The following NUBPL variants were observed in gnomAD, a reference collection of about 807,000 sequenced individuals.
NUBPL encodes iron-sulfur cluster transfer protein NUBPL.
NUBPL carries 31 observed loss-of-function variants against 45.7 expected under a neutral mutation model. That is an observed-to-expected ratio of 0.68 (90% confidence interval 0.51 to 0.92). The LOEUF is 0.92. NUBPL is among the 40% of genes least tolerant of loss of function. The probability of loss-of-function intolerance (pLI) is 0.00; values close to 1 mark genes in which losing one functional copy is unlikely to be tolerated. For synonymous variants in NUBPL, 144 were observed against 140.9 expected (o/e 1.02, Z -0.15); for missense variants, 401 against 398.7 (o/e 1.01, Z -0.05).
rs563400202 is a variant in NUBPL, at chr14:31,632,346, C to T, written c.382+32967C>T. On this transcript the variant is annotated intron_variant, in intron 4 of 10. Transcript: ENST00000281081. Reference sequence around the variant, plus strand: ...ACACTTGGTGGAGGACCTAGCCAGCCTGGGGCTACCCTACAGAGAGGAAGC... The same window carrying T: ...ACACTTGGTGGAGGACCTAGCCAGCTTGGGGCTACCCTACAGAGAGGAAGC... Among the ~76,000 whole-genome samples the T allele has an allele frequency of 7.9e-5, 12 of 152,292 alleles. No individual in the cohort carries two copies. In the East Asian group the frequency reaches 2.1e-3, roughly 27 times the overall value.
At chr14:31,646,742 A>G (rs1227647799) in intron 4 of NUBPL, among the ~76,000 whole-genome samples, 1 of 151,804 alleles carries the variant, frequency 6.6e-6, no homozygotes, top group Non-Finnish European at 1.5e-5. Flanking sequence ...GAACATGGAT[A>G]TTTATATCTT....
At chr14:31,699,744 G>A (rs1017176121) in intron 6 of NUBPL, among the ~76,000 whole-genome samples, 8 of 152,174 alleles carry the variant, frequency 5.3e-5, no homozygotes, top group Non-Finnish European at 1.5e-5. Flanking sequence ...CTGAGTGAAT[G>A]TATCTGTAAA....
At chr14:31,755,542 GTTGT>G (rs1279646683) in intron 6 of NUBPL, among the ~76,000 whole-genome samples, 1 of 150,284 alleles carries the variant, frequency 6.7e-6, no homozygotes, top group Non-Finnish European at 1.5e-5. Flanking sequence ...TTTTGATGGA[GTTGT>G]TTGTTTTTTT....
intron 7 of NUBPL, among the ~76,000 whole-genome samples, chr14:31,793,851 T>TCCCAATGC (rs2039432498): frequency 1.5e-5 from 2 of 137,858 alleles, no homozygotes; most frequent in African/African-American, 3.2e-5. Context: ...ATTTTTTTTT[T>TCCCAATGC]TATTTTTTCC....
intron 6 of NUBPL, among the ~76,000 whole-genome samples, chr14:31,729,218 G>A (rs1336652374): frequency 1.3e-5 from 2 of 149,972 alleles, no homozygotes; most frequent in Non-Finnish European, 2.9e-5. Flanking sequence ...GGCAGAGGTT[G>A]CAATGAGCCA....
intron 4 of NUBPL, among the ~76,000 whole-genome samples, chr14:31,631,110 C>A (rs1319864840): frequency 6.6e-6 from 1 of 152,186 alleles, no homozygotes; most frequent in Non-Finnish European, 1.5e-5. Context: ...TAAACTGGGG[C>A]AGTCATAGAG....
chr14:31,795,201 A>T (rs2039460204), intron 7 of NUBPL, among the ~76,000 whole-genome samples: 1 of 151,204 alleles, frequency 6.6e-6, no homozygotes, highest in African/African-American at 2.5e-5. Flanking sequence ...CTTAGGATTG[A>T]CTTGGCAATG....
intron 3 of NUBPL, among the ~76,000 whole-genome samples, chr14:31,597,312 A>C (rs1469865754): frequency 1.3e-5 from 2 of 152,192 alleles, no homozygotes; most frequent in East Asian, 3.8e-4. Flanking sequence ...TAATTTTTAC[A>C]TAACGTTTAT....
chr14:31,674,932 C>T lies in NUBPL; in HGVS notation c.513+1358C>T, dbSNP rs1225143707. ...TGGGCGGATCACGAGGTCAGGAGATCGAGACCATCCTGGCTAACACGGTGA... is the reference window on the plus strand; with the variant it reads ...TGGGCGGATCACGAGGTCAGGAGATTGAGACCATCCTGGCTAACACGGTGA... On this transcript the variant is annotated intron_variant, in intron 6 of 10. Transcript: ENST00000281081. Among the ~76,000 whole-genome samples, 3 of 151,982 alleles carry T rather than the reference C, an allele frequency of 2.0e-5. No homozygotes were observed. In the South Asian group the frequency reaches 6.2e-4, roughly 31 times the overall value.
chr14:31,739,243 T>TATA (rs2038230199), intron 6 of NUBPL, among the ~76,000 whole-genome samples: 1 of 99,632 alleles, frequency 1.0e-5, no homozygotes, highest in Non-Finnish European at 1.8e-5. Context: ...TTATATTCTA[T>TATA]ATATATATAT....
chr14:31,756,799 C>A (rs2038675811), intron 6 of NUBPL, among the ~76,000 whole-genome samples: 1 of 152,014 alleles, frequency 6.6e-6, no homozygotes. Flanking sequence ...GGGAAAGCTT[C>A]CAGTTTTTGC....
Position 31,823,565 on chromosome 14 carries a change from G to T in NUBPL, c.608-3064G>T, listed in dbSNP as rs932239045. ...TTGAGGGCTAATACCCCTTAAATAA[G>T]ATTACTAGGGCAGTCAAGTTGAGCA... On this transcript the variant is annotated intron_variant, in intron 7 of 10. Coordinates refer to ENST00000281081, the MANE Select transcript of NUBPL (RefSeq NM_025152.3). Among the ~76,000 whole-genome samples, 11 of 152,166 alleles carry T rather than the reference G, an allele frequency of 7.2e-5. No homozygotes were observed. In the South Asian group the frequency reaches 2.3e-3, roughly 32 times the overall value.
intron 4 of NUBPL, among the ~76,000 whole-genome samples, chr14:31,632,124 A>G (rs995700262): frequency 6.6e-6 from 1 of 152,174 alleles, no homozygotes. Flanking sequence ...ACCAAAACAC[A>G]TAGCATATTC....
chr14:31,813,392 G>A (rs773151452), intron 7 of NUBPL, among the ~76,000 whole-genome samples: 3 of 151,490 alleles, frequency 2.0e-5, no homozygotes, highest in Non-Finnish European at 4.4e-5. Flanking sequence ...CTAAACAGCA[G>A]ATATGTATCC....
intron 7 of NUBPL, among the ~76,000 whole-genome samples, chr14:31,818,635 G>A (rs1012638036): frequency 5.9e-5 from 9 of 152,080 alleles, no homozygotes; most frequent in Non-Finnish European, 1.0e-4. Flanking sequence ...TGCAAGCTCC[G>A]CCTGCTGGGT....
chr14:31,652,800 G>T (rs536707093), intron 4 of NUBPL, among the ~76,000 whole-genome samples: 1 of 152,166 alleles, frequency 6.6e-6, no homozygotes, highest in East Asian at 1.9e-4. Context: ...ACTAGTTTTG[G>T]TTACAAATTT....
chr14:31,822,020 G>A lies in NUBPL; in HGVS notation c.608-4609G>A, dbSNP rs144927528. ...TTTTGGACAGAGAGAGTAGAGGATA[G>A]TTATTCGAGGTAGGGAAGGGTAGTG... On this transcript the variant is annotated intron_variant, in intron 7 of 10. Coordinates refer to ENST00000281081, the MANE Select transcript of NUBPL (RefSeq NM_025152.3). Among the ~76,000 whole-genome samples, 277 of 152,266 alleles carry A rather than the reference G, an allele frequency of 1.8e-3. 1 individual carries two copies. The highest frequency in any genetic ancestry group is 6.3e-3 in the African/African-American group (262 of 41,566).
intron 6 of NUBPL, among the ~76,000 whole-genome samples, chr14:31,712,298 C>G (rs2037591482): frequency 1.3e-5 from 2 of 152,232 alleles, no homozygotes; most frequent in Non-Finnish European, 2.9e-5. Flanking sequence ...ACCACCCAAC[C>G]CAGAAGCCCA....
At chr14:31,731,932 G>T (rs2139977912) in intron 6 of NUBPL, among the ~76,000 whole-genome samples, 1 of 152,144 alleles carries the variant, frequency 6.6e-6, no homozygotes, top group Admixed American at 6.5e-5. Flanking sequence ...GCCGGACGCG[G>T]TGGCTCATAT....
Sources: allele counts gnomAD v4.1 joint callset (sites outside exome capture counted in the v4.1 genomes callset), GRCh38; gene constraint gnomAD v4.1.1; transcripts MANE v1.5; gene names NCBI Gene and HGNC (gene_info 2026-07-23, HGNC 2026-07-21).